The following TASP1 variants were observed in gnomAD, a reference collection of about 807,000 sequenced individuals.
TASP1 encodes taspase 1.
Under a neutral mutation model 56.6 loss-of-function variants are expected in TASP1, and 16 were observed. The observed-to-expected ratio is 0.28, with a 90% CI of 0.19 to 0.43. The LOEUF is 0.43. Ranked by LOEUF, TASP1 falls within the 20% of genes least tolerant of loss-of-function variation. The pLI, the probability that TASP1 is intolerant of heterozygous loss-of-function variation, is 1.00. For synonymous variants in TASP1, 179 were observed against 184.2 expected (o/e 0.97, Z 0.23); for missense variants, 393 against 511.6 (o/e 0.77, Z 2.24).
the TASP1 span, chr20:13,288,791 C>CTTTT: frequency 2.1e-6 from 2 of 965,708 alleles, no homozygotes; most frequent in Admixed American, 2.7e-5. Flanking sequence ...CTTTTCTTTT[C>CTTTT]TTTTTTTTTT....
intron 10 of TASP1, among the ~76,000 whole-genome samples, chr20:13,510,560 T>C (rs1486818997): frequency 1.3e-5 from 2 of 152,178 alleles, no homozygotes; most frequent in Non-Finnish European, 2.9e-5. Context: ...CAGATTTAAA[T>C]GAAAATTACA....
At chr20:13,521,377 A>G (rs2044746874) in intron 10 of TASP1, among the ~76,000 whole-genome samples, 2 of 152,180 alleles carry the variant, frequency 1.3e-5, no homozygotes, top group Non-Finnish European at 2.9e-5. Context: ...ACCAACCCAA[A>G]TGTCCAACAA....
intron 11 of TASP1, among the ~76,000 whole-genome samples, chr20:13,444,663 T>C (rs1001002439): frequency 1.3e-5 from 2 of 152,192 alleles, no homozygotes; most frequent in African/African-American, 4.8e-5. Context: ...CATCGTCCTA[T>C]AAGATGTATA....
At chr20:13,435,259 C>T (rs1389492531) in intron 11 of TASP1, 105 bp from the exon 12 acceptor site, 6 of 825,360 alleles carry the variant, frequency 7.3e-6, no homozygotes, top group Non-Finnish European at 1.2e-5. Context: ...TAAGAAAATG[C>T]CCATTTTCTG....
the TASP1 span, among the ~76,000 whole-genome samples, chr20:13,364,630 A>G: frequency 6.6e-6 from 1 of 151,574 alleles, no homozygotes; most frequent in African/African-American, 2.4e-5. Context: ...CTAAGTCTAC[A>G]TATCTGACCC....
chr20:13,272,855 G>A, the TASP1 span, among the ~76,000 whole-genome samples: 1 of 152,302 alleles, frequency 6.6e-6, no homozygotes, highest in African/African-American at 2.4e-5. Flanking sequence ...AGATGTTCTG[G>A]TTCCAGAATC....
chr20:13,391,678 T>G (rs1167228501), intron 13 of TASP1, among the ~76,000 whole-genome samples: 1 of 152,080 alleles, frequency 6.6e-6, no homozygotes, highest in Non-Finnish European at 1.5e-5. Flanking sequence ...TTGAAAGAAG[T>G]GAGCTTAGGC....
chr20:13,433,616 CAA>C (rs1341075941), intron 12 of TASP1, among the ~76,000 whole-genome samples: 1 of 146,274 alleles, frequency 6.8e-6, no homozygotes, highest in Non-Finnish European at 1.5e-5. Context: ...GAGGAATGAA[CAA>C]AGAGATTTTA....
the TASP1 span, among the ~76,000 whole-genome samples, chr20:13,209,285 T>A: frequency 3.3e-5 from 5 of 152,232 alleles, no homozygotes; most frequent in Non-Finnish European, 7.3e-5. Flanking sequence ...GAGATTTTGG[T>A]GTTTTTGTTA....
At chr20:13,558,936 T>G in intron 8 of TASP1, 72 bp downstream of exon 8, 1 of 994,660 alleles carries the variant, frequency 1.0e-6, no homozygotes, top group East Asian at 2.6e-5. Flanking sequence ...TGTATCGTCC[T>G]AAAGCTTGTA....
chr20:13,352,376 A>G, the TASP1 span, among the ~76,000 whole-genome samples: 1 of 151,572 alleles, frequency 6.6e-6, no homozygotes, highest in East Asian at 1.9e-4. Context: ...CTTGAACCCC[A>G]GAGGCAGAGG....
At chr20:13,500,654 C>T (rs921875992) in intron 10 of TASP1, among the ~76,000 whole-genome samples, 1 of 151,666 alleles carries the variant, frequency 6.6e-6, no homozygotes, top group African/African-American at 2.4e-5. Context: ...GGCTTTAGAG[C>T]AAGCAAAAGA....
chr20:13,242,959 A>C, the TASP1 span, among the ~76,000 whole-genome samples: 2 of 152,212 alleles, frequency 1.3e-5, no homozygotes, highest in South Asian at 2.1e-4. Flanking sequence ...CGTCAAAACA[A>C]CACCTTGAGG....
At chr20:13,209,614 T>C in the TASP1 span, among the ~76,000 whole-genome samples, 2 of 152,102 alleles carry the variant, frequency 1.3e-5, no homozygotes, top group Non-Finnish European at 2.9e-5. Flanking sequence ...AAGGCAAGAG[T>C]CCTAGTCATG....
At chr20:13,114,585 T>C in the TASP1 span, among the ~76,000 whole-genome samples, 35,685 of 152,212 alleles carry the variant, frequency 0.23, 4,386 homozygotes, top group Middle Eastern at 0.36. Context: ...TGTAAGCTAT[T>C]CTCCTATGCT....
intron 8 of TASP1, among the ~76,000 whole-genome samples, chr20:13,547,835 A>G (rs1357723464): frequency 6.6e-6 from 1 of 152,190 alleles, no homozygotes; most frequent in Non-Finnish European, 1.5e-5. Context: ...TTAAATGTTT[A>G]TTGAGCATTT....
the TASP1 span, among the ~76,000 whole-genome samples, chr20:13,109,363 G>C: frequency 6.6e-6 from 1 of 152,166 alleles, no homozygotes; most frequent in African/African-American, 2.4e-5. Context: ...AGACTACATG[G>C]GTTCAAATCC....
At chr20:13,261,502 A>G in the TASP1 span, among the ~76,000 whole-genome samples, 1 of 152,282 alleles carries the variant, frequency 6.6e-6, no homozygotes, top group East Asian at 1.9e-4. Flanking sequence ...AGAGAAAAGA[A>G]GAATTTGTGG....
chr20:13,108,762 G>T, the TASP1 span, among the ~76,000 whole-genome samples: 1 of 152,094 alleles, frequency 6.6e-6, no homozygotes, highest in Admixed American at 6.6e-5. Flanking sequence ...TTTTAGTAGA[G>T]ACTGGGTTTC....
Sources: allele counts gnomAD v4.1 joint callset (sites outside exome capture counted in the v4.1 genomes callset), GRCh38; gene constraint gnomAD v4.1.1; transcripts MANE v1.5; gene names NCBI Gene and HGNC (gene_info 2026-07-23, HGNC 2026-07-21).